SGCZ: variants seen among roughly 807,000 people sequenced by gnomAD.
SGCZ encodes the protein zeta-sarcoglycan.
Under a neutral mutation model 41.3 loss-of-function variants are expected in SGCZ, and 40 were observed. The observed-to-expected ratio is 0.97, with a 90% CI of 0.75 to 1.26. The LOEUF (loss-of-function observed/expected upper bound fraction) is 1.26. Ranked by LOEUF, SGCZ falls within the 50% of genes most tolerant of loss-of-function variation. The probability of loss-of-function intolerance (pLI) is 0.00; values close to 1 mark genes in which losing one functional copy is unlikely to be tolerated. For synonymous variants in SGCZ, 206 were observed against 137.5 expected, an observed-to-expected ratio of 1.50 and a Z score of -3.49; for missense variants, 552 against 369.8, an observed-to-expected ratio of 1.49 and a Z score of -4.04.
intron 5 of SGCZ, among the ~76,000 whole-genome samples, chr8:14,140,262 A>G (rs1803326670): frequency 1.3e-5 from 2 of 152,198 alleles, no homozygotes; most frequent in Admixed American, 1.3e-4. Context: ...AAACTGGCAC[A>G]AGACAAGGAT....
intron 2 of SGCZ, among the ~76,000 whole-genome samples, chr8:14,358,975 C>G (rs1473370676): frequency 3.3e-5 from 5 of 152,056 alleles, no homozygotes; most frequent in Non-Finnish European, 7.4e-5. Context: ...TTTGGACCTG[C>G]TCTTTTGTTT....
rs73535246 is a variant in SGCZ at position 14,584,855 on chromosome 8, T to A, written c.40-29929A>T. On this transcript the variant is annotated intron_variant, in intron 1 of 7. Transcript: ENST00000382080. Reference sequence around the variant, plus strand: ...ATCACAATGACAGAGATAAGTACTATTATTCCCAATTTTGTAGAAAGAAAC... The same window carrying A: ...ATCACAATGACAGAGATAAGTACTAATATTCCCAATTTTGTAGAAAGAAAC... Among the ~76,000 whole-genome samples the A allele has an allele frequency of 8.4e-3, 1,277 of 152,200 alleles. 14 individuals carry two copies. Among genetic ancestry groups the A allele is most frequent in the African/African-American group, 0.029 (1,217 of 41,540 alleles).
chr8:14,942,523 T>A (rs1800310664), intron 1 of SGCZ, among the ~76,000 whole-genome samples: 1 of 152,270 alleles, frequency 6.6e-6, no homozygotes, highest in East Asian at 1.9e-4. Context: ...GGCATCTAAA[T>A]AATCTTACAT....
chr8:14,488,127 G>A (rs1019208329), intron 2 of SGCZ, among the ~76,000 whole-genome samples: 20 of 117,358 alleles, frequency 1.7e-4, no homozygotes, highest in African/African-American at 6.5e-4. Flanking sequence ...AAAGAGTTCT[G>A]AACGCTGGAT....
intron 2 of SGCZ, among the ~76,000 whole-genome samples, chr8:14,394,062 T>C (rs554180459): frequency 2.0e-5 from 3 of 152,118 alleles, no homozygotes; most frequent in Non-Finnish European, 4.4e-5. Context: ...ACATTTTATG[T>C]TCGCAGGAAA....
intron 1 of SGCZ, among the ~76,000 whole-genome samples, chr8:14,715,547 C>G (rs1349678411): frequency 7.2e-6 from 1 of 137,944 alleles, no homozygotes; most frequent in East Asian, 2.3e-4. Context: ...CACACACACA[C>G]ACACACACAC....
intron 4 of SGCZ, among the ~76,000 whole-genome samples, chr8:14,198,599 G>GAA (rs33970266): frequency 3.3e-5 from 5 of 151,378 alleles, no homozygotes; most frequent in East Asian, 2.0e-4. Flanking sequence ...AATAAAAGTT[G>GAA]AAAAAAAAGA....
intron 1 of SGCZ, among the ~76,000 whole-genome samples, chr8:14,849,341 G>A (rs1444170136): frequency 1.3e-5 from 2 of 150,468 alleles, no homozygotes; most frequent in Non-Finnish European, 3.0e-5. Flanking sequence ...ATCTCACCAA[G>A]AAAAAAATAA....
intron 2 of SGCZ, among the ~76,000 whole-genome samples, chr8:14,339,206 A>G (rs1291651693): frequency 6.6e-6 from 1 of 152,266 alleles, no homozygotes; most frequent in East Asian, 1.9e-4. Flanking sequence ...AGACTTCCTT[A>G]AAGTATTTGT....
At chr8:14,791,856 T>C (rs943897928) in intron 1 of SGCZ, among the ~76,000 whole-genome samples, 4 of 152,210 alleles carry the variant, frequency 2.6e-5, no homozygotes, top group Non-Finnish European at 5.9e-5. Context: ...AATAAACCCA[T>C]GGTCTGCTTT....
At chr8:14,699,790 A>G (rs111611935) in intron 1 of SGCZ, among the ~76,000 whole-genome samples, 60 of 151,910 alleles carry the variant, frequency 3.9e-4, no homozygotes, top group African/African-American at 1.4e-3. Context: ...AAATTACCAC[A>G]AAAGACATGA....
At chr8:14,093,600 T>A (rs951213843) in intron 7 of SGCZ, among the ~76,000 whole-genome samples, 1 of 152,120 alleles carries the variant, frequency 6.6e-6, no homozygotes, top group African/African-American at 2.4e-5. Flanking sequence ...AGATATTAAC[T>A]GGGTGGTTGT....
At chr8:14,576,578 T>G (rs534072652) in intron 1 of SGCZ, among the ~76,000 whole-genome samples, 6 of 152,336 alleles carry the variant, frequency 3.9e-5, no homozygotes, top group African/African-American at 1.4e-4. Flanking sequence ...ATATCCCTGA[T>G]GCACAATTTT....
chr8:15,052,978 A>G (rs1418123682), intron 1 of SGCZ, among the ~76,000 whole-genome samples: 1 of 152,138 alleles, frequency 6.6e-6, no homozygotes, highest in East Asian at 1.9e-4. Flanking sequence ...CTCAAGGCAT[A>G]GTTCCTACAT....
chr8:14,678,727 C>T (rs544833466), intron 1 of SGCZ, among the ~76,000 whole-genome samples: 1 of 152,152 alleles, frequency 6.6e-6, no homozygotes. Flanking sequence ...CATAGAAAAA[C>T]CTGCACTTGA....
At chr8:15,060,676 A>T (rs898958984) in intron 1 of SGCZ, among the ~76,000 whole-genome samples, 3 of 151,840 alleles carry the variant, frequency 2.0e-5, no homozygotes, top group Admixed American at 2.0e-4. Flanking sequence ...GTATTAAAAA[A>T]AAAAAAAAAA....
At chr8:14,794,913 C>T (rs1460215319) in intron 1 of SGCZ, among the ~76,000 whole-genome samples, 1 of 152,134 alleles carries the variant, frequency 6.6e-6, no homozygotes, top group South Asian at 2.1e-4. Context: ...AAATAACTGT[C>T]AATGAAGAAC....
intron 3 of SGCZ, among the ~76,000 whole-genome samples, chr8:14,263,146 A>G (rs1044091918): frequency 3.3e-5 from 5 of 152,228 alleles, no homozygotes; most frequent in African/African-American, 7.2e-5. Context: ...CAAACTAAAA[A>G]TAAAGCAATT....
chr8:14,487,539 A>T (rs1363951376), intron 2 of SGCZ, among the ~76,000 whole-genome samples: 1 of 148,686 alleles, frequency 6.7e-6, no homozygotes, highest in East Asian at 2.0e-4. Context: ...AATGCTTTTG[A>T]CTTCAAACCA....
Sources: gnomAD v4.1 joint callset for allele counts (sites outside exome capture counted in the v4.1 genomes callset) on GRCh38, gnomAD v4.1.1 for gene constraint, MANE v1.5 for transcripts, NCBI Gene and HGNC (gene_info 2026-07-23, HGNC 2026-07-21) for gene names.